C10orf90: variants seen among roughly 807,000 people sequenced by gnomAD.
C10orf90 encodes (E2-independent) E3 ubiquitin-conjugating enzyme FATS.
A neutral mutation model predicts 62.5 loss-of-function variants in C10orf90; 56 were observed. That is an observed-to-expected ratio of 0.90 (90% CI 0.72 to 1.12). The LOEUF (loss-of-function observed/expected upper bound fraction) is 1.12. Ranked by LOEUF, C10orf90 falls within the 50% of genes most tolerant of loss-of-function variation. The pLI, the probability that C10orf90 is intolerant of heterozygous loss-of-function variation, is 0.00. For synonymous variants in C10orf90, 386 were observed against 340.4 expected, an observed-to-expected ratio of 1.13 and a Z score of -1.47; for missense variants, 970 against 880.4, an observed-to-expected ratio of 1.10 and a Z score of -1.29.
At chr10:126,580,319 T>A (rs529671341) in intron 2 of C10orf90, among the ~76,000 whole-genome samples, 1 of 152,308 alleles carries the variant, frequency 6.6e-6, no homozygotes, top group South Asian at 2.1e-4. Context: ...ATTTTCCCAA[T>A]GGCTAATTTG....
At chr10:126,670,162 T>C (rs1846718897) in intron 1 of C10orf90, 79 bp downstream of exon 1, 1 of 417,814 alleles carries the variant, frequency 2.4e-6, no homozygotes, top group African/African-American at 2.0e-5. Context: ...ATAAAACACC[T>C]GAACTGTCTG....
At chr10:126,503,923 A>G (rs1195535503) in intron 4 of C10orf90, 34 bp downstream of exon 4, 1 of 1,568,078 alleles carries the variant, frequency 6.4e-7, no homozygotes, top group East Asian at 2.2e-5. Flanking sequence ...ACATTTACTC[A>G]GGTCACCCTC....
chr10:126,586,135 C>G (rs1280825307), intron 2 of C10orf90, among the ~76,000 whole-genome samples: 1 of 152,150 alleles, frequency 6.6e-6, no homozygotes, highest in East Asian at 1.9e-4. Context: ...AGTGTATTTC[C>G]TAATAGCCAG....
intron 7 of C10orf90, among the ~76,000 whole-genome samples, chr10:126,440,399 G>A (rs1858229084): frequency 6.6e-6 from 1 of 152,120 alleles, no homozygotes; most frequent in African/African-American, 2.4e-5. Context: ...TTCCAAAGAA[G>A]AGCCTGAGCT....
At chr10:126,489,095 T>C (rs1861584414) in intron 4 of C10orf90, among the ~76,000 whole-genome samples, 1 of 151,948 alleles carries the variant, frequency 6.6e-6, no homozygotes, top group Non-Finnish European at 1.5e-5. Context: ...ATACCAATAT[T>C]CCTCACAAAC....
chr10:126,580,580 G>A (rs1386729562), intron 2 of C10orf90, among the ~76,000 whole-genome samples: 1 of 151,692 alleles, frequency 6.6e-6, no homozygotes, highest in Non-Finnish European at 1.5e-5. Context: ...GTGAACCTGG[G>A]AGGCGGAGCT....
intron 7 of C10orf90, among the ~76,000 whole-genome samples, chr10:126,447,937 C>T (rs535867320): frequency 7.9e-5 from 12 of 151,426 alleles, no homozygotes; most frequent in African/African-American, 7.3e-5. Context: ...GTGCAACCTC[C>T]GCCTCCGGGG....
intron 2 of C10orf90, among the ~76,000 whole-genome samples, chr10:126,637,396 C>T (rs988128698): frequency 2.6e-5 from 4 of 152,208 alleles, no homozygotes; most frequent in African/African-American, 9.6e-5. Context: ...CAGCCCATTC[C>T]CCCACCAGGG....
intron 5 of C10orf90, among the ~76,000 whole-genome samples, chr10:126,462,656 C>CCAA (rs1226255987): frequency 6.6e-6 from 1 of 152,102 alleles, no homozygotes; most frequent in African/African-American, 2.4e-5. Flanking sequence ...CACCAGGTGC[C>CCAA]CAAAAGGAGC....
At chr10:126,642,865 C>T (rs979166700) in intron 2 of C10orf90, among the ~76,000 whole-genome samples, 10 of 152,180 alleles carry the variant, frequency 6.6e-5, no homozygotes, top group Non-Finnish European at 1.3e-4. Flanking sequence ...CCCACCAGCA[C>T]CCCGCTAACC....
intron 2 of C10orf90, among the ~76,000 whole-genome samples, chr10:126,626,128 C>CAA (rs35587001): frequency 8.0e-4 from 88 of 109,874 alleles, no homozygotes; most frequent in African/African-American, 2.8e-3. Context: ...GATTCCATCT[C>CAA]AAAAAAAAAA....
At chr10:126,509,364 G>C (rs1048327683) in intron 3 of C10orf90, among the ~76,000 whole-genome samples, 1 of 152,144 alleles carries the variant, frequency 6.6e-6, no homozygotes, top group Non-Finnish European at 1.5e-5. Flanking sequence ...CAGCAGAAAC[G>C]AGTGGATATC....
chr10:126,501,218 C>A (rs1591022161), intron 4 of C10orf90, among the ~76,000 whole-genome samples: 1 of 152,172 alleles, frequency 6.6e-6, no homozygotes, highest in Admixed American at 6.5e-5. Flanking sequence ...GCAAGCTCAC[C>A]CTCCACACGT....
At chr10:126,451,641 ATGTATATATACACATATGTG>A (rs1373401198) in intron 7 of C10orf90, among the ~76,000 whole-genome samples, 2 of 151,950 alleles carry the variant, frequency 1.3e-5, no homozygotes, top group Non-Finnish European at 2.9e-5. Flanking sequence ...TATATGTATA[ATGTATATATACACATATGTG>A]TGTATATATA....
At chr10:126,656,819 G>A (rs562620767) in intron 1 of C10orf90, among the ~76,000 whole-genome samples, 4 of 152,292 alleles carry the variant, frequency 2.6e-5, no homozygotes, top group Admixed American at 1.3e-4. Flanking sequence ...CTTCAAAAAC[G>A]TATGAGTAAT....
chr10:126,511,131 C>G (rs1863082947), intron 3 of C10orf90, among the ~76,000 whole-genome samples: 1 of 152,174 alleles, frequency 6.6e-6, no homozygotes, highest in Non-Finnish European at 1.5e-5. Context: ...ATCTGTCAGC[C>G]TAGGGGCATT....
chr10:126,505,364 C>T lies in C10orf90; in HGVS notation c.406-279G>A, dbSNP rs114206710. Among the ~76,000 whole-genome samples the T allele has an allele frequency of 6.9e-3, 1,047 of 152,250 alleles. 11 individuals carry two copies. The highest frequency in any genetic ancestry group is 0.023 in the African/African-American group (976 of 41,542). ...CTTAATTTATCTAATGATGTGTCAA[C>T]GGGGATCATCTAATTCGATAACCAC... is the stretch of plus-strand genomic sequence containing the variant. On this transcript the variant is annotated intron_variant, in intron 3 of 9. Transcript: ENST00000488181.
intron 2 of C10orf90, among the ~76,000 whole-genome samples, chr10:126,598,963 A>G (rs1845139691): frequency 6.6e-6 from 1 of 152,116 alleles, no homozygotes; most frequent in Non-Finnish European, 1.5e-5. Context: ...ATTCAAAACA[A>G]ATCTTCACAT....
chr10:126,454,626 C>A (rs1317907067), intron 7 of C10orf90, among the ~76,000 whole-genome samples: 1 of 151,636 alleles, frequency 6.6e-6, no homozygotes, highest in African/African-American at 2.4e-5. Flanking sequence ...CCTGCGGGGA[C>A]TATACCCCCT....
Sources: gnomAD v4.1 joint callset for allele counts (sites outside exome capture counted in the v4.1 genomes callset) on GRCh38, gnomAD v4.1.1 for gene constraint, MANE v1.5 for transcripts, NCBI Gene and HGNC (gene_info 2026-07-23, HGNC 2026-07-21) for gene names.